The following ARMH4 variants were observed in gnomAD, a reference collection of about 807,000 sequenced individuals.
ARMH4 encodes armadillo like helical domain containing 4.
A neutral mutation model predicts 61.9 loss-of-function variants in ARMH4; 49 were observed. The observed-to-expected ratio is 0.79, with a 90% CI of 0.63 to 1.00. The LOEUF (loss-of-function observed/expected upper bound fraction) is 1.00, where lower values mean the gene tolerates loss of function less well. Among genes scored for constraint, ARMH4 ranks in the 50% least tolerant of loss-of-function variants. ARMH4 has a pLI of 0.00. For synonymous variants in ARMH4, 368 were observed against 341.5 expected, an observed-to-expected ratio of 1.08 and a Z score of -0.85; for missense variants, 934 against 930.0, an observed-to-expected ratio of 1.00 and a Z score of -0.06.
At chr14:58,150,748 CA>C (rs949415270) in intron 1 of ARMH4, among the ~76,000 whole-genome samples, 64 of 145,502 alleles carry the variant, frequency 4.4e-4, no homozygotes, top group Middle Eastern at 3.5e-3. Flanking sequence ...GTGACAAATA[CA>C]AAAAAAAAAC....
chr14:58,057,203 G>C (rs901938634), intron 5 of ARMH4, among the ~76,000 whole-genome samples: 1 of 152,194 alleles, frequency 6.6e-6, no homozygotes, highest in African/African-American at 2.4e-5. Context: ...AAGCGAAATT[G>C]TCTAAGAAAT....
rs774995692 is a variant in ARMH4, at chr14:58,074,453, TC to T, written c.2089+22270del. ...GCTTTGGCAGTGGATGCAACACAGT[TC>T]TTTTTTTTTTTTTTTAGTTTAATTT... On this transcript the variant is annotated intron_variant, in intron 5 of 7. Transcript: ENST00000267485. 2.5e-3 allele frequency among the ~76,000 whole-genome samples: 374 copies of T among 150,846 alleles called. 11 individuals are homozygous for T. In the East Asian group the frequency reaches 0.058, roughly 23 times the overall value.
At chr14:58,149,796 C>T (rs1190765170) in intron 1 of ARMH4, among the ~76,000 whole-genome samples, 1 of 152,164 alleles carries the variant, frequency 6.6e-6, no homozygotes, top group African/African-American at 2.4e-5. Flanking sequence ...GGGTGGAGAA[C>T]ACACACAAAA....
At chr14:58,131,936 A>G (rs1227391057) in intron 3 of ARMH4, among the ~76,000 whole-genome samples, 1 of 152,244 alleles carries the variant, frequency 6.6e-6, no homozygotes, top group Non-Finnish European at 1.5e-5. Flanking sequence ...AGGAAAATGT[A>G]TTATCTCTAA....
intron 4 of ARMH4, among the ~76,000 whole-genome samples, chr14:58,108,346 G>A (rs1053421247): frequency 3.3e-5 from 5 of 152,008 alleles, no homozygotes; most frequent in African/African-American, 7.3e-5. Context: ...TACATATACC[G>A]TATTTATCTT....
intron 2 of ARMH4, among the ~76,000 whole-genome samples, chr14:58,136,278 T>C (rs17094368): frequency 0.029 from 4,484 of 152,278 alleles, 221 homozygotes; most frequent in African/African-American, 0.1. Flanking sequence ...GCTGTACTAA[T>C]AGAAGCTAAT....
chr14:58,113,918 G>C (rs1283984802), intron 4 of ARMH4, among the ~76,000 whole-genome samples: 1 of 151,448 alleles, frequency 6.6e-6, no homozygotes, highest in Non-Finnish European at 1.5e-5. Flanking sequence ...CCTCATTTTT[G>C]TGACTTTTTT....
chr14:58,042,002 C>A (rs1364754769), intron 5 of ARMH4, among the ~76,000 whole-genome samples: 2 of 152,024 alleles, frequency 1.3e-5, no homozygotes, highest in Admixed American at 6.6e-5. Context: ...TAATGGGAGA[C>A]TTTAACACCC....
chr14:58,079,633 A>T (rs138956216), intron 5 of ARMH4, among the ~76,000 whole-genome samples: 75 of 152,328 alleles, frequency 4.9e-4, no homozygotes, highest in African/African-American at 1.8e-3. Flanking sequence ...TAAATTTACC[A>T]TATATTTATG....
intron 5 of ARMH4, among the ~76,000 whole-genome samples, chr14:58,031,693 C>G (rs1027701120): frequency 6.6e-6 from 1 of 152,186 alleles, no homozygotes; most frequent in Non-Finnish European, 1.5e-5. Flanking sequence ...TAATGCAATA[C>G]ATGATACACT....
chr14:58,046,079 C>G (rs888131152), intron 5 of ARMH4, among the ~76,000 whole-genome samples: 1 of 152,190 alleles, frequency 6.6e-6, no homozygotes, highest in African/African-American at 2.4e-5. Context: ...TTGTAAGCCA[C>G]CCAGTTTATG....
chr14:58,045,026 G>A (rs960476297), intron 5 of ARMH4, among the ~76,000 whole-genome samples: 7 of 152,128 alleles, frequency 4.6e-5, no homozygotes, highest in Admixed American at 1.3e-4. Context: ...ACTGTAAACT[G>A]GTTCAACCAT....
chr14:58,097,047 CT>C, intron 4 of ARMH4, 66 bp from the exon 5 acceptor site: 5 of 1,499,180 alleles, frequency 3.3e-6, no homozygotes, highest in Non-Finnish European at 9.2e-7. Context: ...CAAATGAATC[CT>C]TGGAAATGAT....
chr14:58,058,474 T>C (rs1033456529), intron 5 of ARMH4, among the ~76,000 whole-genome samples: 2 of 152,090 alleles, frequency 1.3e-5, no homozygotes, highest in African/African-American at 4.8e-5. Context: ...TCATGAATAA[T>C]AAGGGGTAGA....
chr14:58,137,357 C>T (rs962565616), intron 2 of ARMH4, among the ~76,000 whole-genome samples: 3 of 152,144 alleles, frequency 2.0e-5, no homozygotes, highest in African/African-American at 7.2e-5. Context: ...AGTTAAAGAA[C>T]ACTGGTCTAT....
At chr14:58,116,471 T>C in intron 4 of ARMH4, 1 of 307,392 alleles carries the variant, frequency 3.3e-6, no homozygotes, top group Non-Finnish European at 6.8e-6. Context: ...GCCCAGGAGT[T>C]TGAGACGAGC....
chr14:58,133,164 C>G lies in ARMH4; in HGVS notation c.1547G>C (p.Arg516Thr), dbSNP rs753487373. Residue 516 changes from arginine to threonine, a missense_variant, in exon 3 of 8, where the codon AGA (arginine) becomes ACA (threonine). Transcript: ENST00000267485. ...DVPGVTQLSR[R>T]WEPLATTIST... is the part of the protein sequence containing the mutation. ...AATTGTAGTGGCCAGAGGCTCCCAT[C>G]TTCTTGACAGCTGAGTAACACCAGG... 5.0e-6 allele frequency: 8 copies of G among 1,614,136 alleles called. No individual in the cohort carries two copies. Among genetic ancestry groups the G allele is most frequent in the Non-Finnish European group, 6.8e-6 (8 of 1,180,036 alleles).
At chr14:58,071,503 G>T (rs1884881019) in intron 5 of ARMH4, among the ~76,000 whole-genome samples, 1 of 151,988 alleles carries the variant, frequency 6.6e-6, no homozygotes, top group Admixed American at 6.6e-5. Flanking sequence ...TGCCAGTCAG[G>T]TCATATAACT....
intron 1 of ARMH4, among the ~76,000 whole-genome samples, chr14:58,143,310 C>T (rs74353572): frequency 2.9e-3 from 436 of 152,222 alleles, no homozygotes; most frequent in Non-Finnish European, 4.7e-3. Context: ...CTGAAGAAAA[C>T]TGAAGCCAGA....
Sources: allele counts gnomAD v4.1 joint callset (sites outside exome capture counted in the v4.1 genomes callset), GRCh38; gene constraint gnomAD v4.1.1; transcripts MANE v1.5; gene names NCBI Gene and HGNC (gene_info 2026-07-23, HGNC 2026-07-21).